The following SIL1 variants were observed in gnomAD, a reference collection of about 807,000 sequenced individuals.
SIL1 encodes nucleotide exchange factor SIL1.
In SIL1, 40 loss-of-function variants were observed where a neutral mutation model predicts 49.1. The observed-to-expected ratio is 0.81, with a 90% CI of 0.63 to 1.06. SIL1 has a LOEUF of 1.06. Among genes scored for constraint, SIL1 ranks in the 50% least tolerant of loss-of-function variants. The probability of loss-of-function intolerance (pLI) is 0.00; values close to 1 mark genes in which losing one functional copy is unlikely to be tolerated. For synonymous variants in SIL1, 253 were observed against 250.8 expected (o/e 1.01, Z -0.08); for missense variants, 500 against 572.6 (o/e 0.87, Z 1.29).
chr5:139,013,708 A>C (rs1487445654), intron 7 of SIL1: 2 of 152,218 alleles, frequency 1.3e-5, no homozygotes, highest in Non-Finnish European at 2.9e-5. Context: ...CAACATCTTC[A>C]GGTATTTGAA....
chr5:139,183,082 GAACT>G (rs1053668748), intron 1 of SIL1, among the ~76,000 whole-genome samples: 49 of 152,180 alleles, frequency 3.2e-4, no homozygotes, highest in African/African-American at 9.2e-4. Context: ...AAACCTGGAT[GAACT>G]AACTAAGTTT....
intron 7 of SIL1, among the ~76,000 whole-genome samples, chr5:139,007,803 G>T (rs1768156991): frequency 2.1e-5 from 3 of 143,612 alleles, no homozygotes; most frequent in Non-Finnish European, 4.5e-5. Context: ...GCATCCCAGG[G>T]ATGAAGCCCA....
chr5:139,168,481 C>T (rs1237452010), intron 1 of SIL1, among the ~76,000 whole-genome samples: 1 of 152,172 alleles, frequency 6.6e-6, no homozygotes, highest in African/African-American at 2.4e-5. Flanking sequence ...TACTGGGGAT[C>T]TGTGCTGATT....
chr5:139,012,701 C>T (rs948131496), intron 7 of SIL1: 1 of 152,134 alleles, frequency 6.6e-6, no homozygotes, highest in East Asian at 1.9e-4. Context: ...AGCATGGGGG[C>T]TCACGCCTGT....
intron 3 of SIL1, among the ~76,000 whole-genome samples, chr5:139,068,676 A>G (rs890015724): frequency 1.2e-5 from 1 of 84,588 alleles, no homozygotes; most frequent in African/African-American, 3.0e-5. Context: ...AAAAAAAAAG[A>G]AGAGAAAGCA....
At chr5:139,056,534 C>T (rs1414172204) in intron 3 of SIL1, among the ~76,000 whole-genome samples, 2 of 150,676 alleles carry the variant, frequency 1.3e-5, no homozygotes, top group Non-Finnish European at 3.0e-5. Flanking sequence ...GCCGCCCCGT[C>T]CGGGAGGGAG....
chr5:139,147,521 T>C lies in SIL1; in HGVS notation c.-10-19668A>G, dbSNP rs79186881. 6.9e-3 allele frequency among the ~76,000 whole-genome samples: 1,052 copies of C among 152,284 alleles called. 9 individuals are homozygous for C. The highest frequency in any genetic ancestry group is 0.024 in the African/African-American group (1,008 of 41,552). ...GGCCTCATCCCAACCCTGATTGGCATAGCAAGAGCCCATCCCATTAACAAT... is the reference window on the plus strand; with the variant it reads ...GGCCTCATCCCAACCCTGATTGGCACAGCAAGAGCCCATCCCATTAACAAT... On this transcript the variant is annotated intron_variant, in intron 1 of 9. Transcript: ENST00000394817.
chr5:139,157,015 C>T (rs1481618900), intron 1 of SIL1, among the ~76,000 whole-genome samples: 1 of 152,222 alleles, frequency 6.6e-6, no homozygotes, highest in Non-Finnish European at 1.5e-5. Flanking sequence ...CCAAGCCAGA[C>T]TTGTCCACTA....
At position 139,121,252 on chromosome 5, in the gene SIL1, C is replaced by T. The variant is rs954905933; in HGVS notation, c.106-79G>A. On this transcript the variant is annotated intron_variant, in intron 2 of 9. Coordinates refer to ENST00000394817, the MANE Select transcript of SIL1 (RefSeq NM_022464.5). ...AGAAAAAAAATGGCCTAGGGTGGCA[C>T]GTTCTTTTCCTCCATGCCCCTCTCC... The T allele has an allele frequency of 3.7e-5, 58 of 1,586,132 alleles. 1 individual carries two copies. The highest frequency in any genetic ancestry group is 5.5e-5 in the South Asian group (5 of 90,446).
At position 139,113,106 on chromosome 5, in the gene SIL1, G is replaced by A. The variant is rs945850822; in HGVS notation, c.244+7929C>T. Among the ~76,000 whole-genome samples the A allele has an allele frequency of 5.3e-5, 8 of 151,670 alleles. 2 individuals carry two copies. Among genetic ancestry groups the A allele is most frequent in the Admixed American group, 5.3e-4 (8 of 15,234 alleles). ...ACAGATGCTTGAAGGCAGCATGCTC[G>A]TTAAGAGTCATCACCACTCCCTAAT... is the stretch of plus-strand genomic sequence containing the variant. On this transcript the variant is annotated intron_variant, in intron 3 of 9. Coordinates refer to ENST00000394817, the MANE Select transcript of SIL1 (RefSeq NM_022464.5).
chr5:139,029,980 T>C (rs1238388118), intron 5 of SIL1, among the ~76,000 whole-genome samples: 2 of 151,442 alleles, frequency 1.3e-5, no homozygotes, highest in African/African-American at 2.4e-5. Flanking sequence ...TCCAAAAAAA[T>C]TGTGACACAG....
intron 1 of SIL1, among the ~76,000 whole-genome samples, chr5:139,133,713 G>A: frequency 6.6e-6 from 1 of 152,190 alleles, no homozygotes; most frequent in African/African-American, 2.4e-5. Flanking sequence ...AGCCTGCCAT[G>A]GAGCCCTTGG....
At chr5:139,160,285 C>T (rs1751486964) in intron 1 of SIL1, among the ~76,000 whole-genome samples, 1 of 151,996 alleles carries the variant, frequency 6.6e-6, no homozygotes, top group South Asian at 2.1e-4. Flanking sequence ...AGAAAACACT[C>T]CTTTGAAGAA....
intron 2 of SIL1, among the ~76,000 whole-genome samples, chr5:139,123,067 GCTA>G (rs527423819): frequency 4.1e-4 from 62 of 152,320 alleles, no homozygotes; most frequent in African/African-American, 1.4e-3. Flanking sequence ...CATGGTGGCT[GCTA>G]CTATTACTTA....
intron 1 of SIL1, among the ~76,000 whole-genome samples, chr5:139,177,867 A>G (rs1483461482): frequency 6.6e-6 from 1 of 152,208 alleles, no homozygotes; most frequent in Non-Finnish European, 1.5e-5. Flanking sequence ...CATCTACATC[A>G]ACCAGAACTG....
chr5:138,973,220 A>C (rs1043343253), intron 7 of SIL1, among the ~76,000 whole-genome samples: 3 of 151,732 alleles, frequency 2.0e-5, no homozygotes, highest in Non-Finnish European at 4.4e-5. Context: ...AAAAAAAAAA[A>C]AAAGGTTGTG....
intron 3 of SIL1, among the ~76,000 whole-genome samples, chr5:139,062,250 T>A (rs185342775): frequency 1.6e-3 from 243 of 152,290 alleles, no homozygotes; most frequent in African/African-American, 5.5e-3. Context: ...ACCTTTTTTT[T>A]AAACAGCAAA....
chr5:138,972,919 G>A (rs1466520367), intron 7 of SIL1, among the ~76,000 whole-genome samples: 1 of 152,174 alleles, frequency 6.6e-6, no homozygotes, highest in Non-Finnish European at 1.5e-5. Context: ...GGACAGAGGG[G>A]CAATAAGAGC....
intron 1 of SIL1, among the ~76,000 whole-genome samples, chr5:139,168,546 G>A (rs1751670368): frequency 6.6e-6 from 1 of 152,228 alleles, no homozygotes; most frequent in South Asian, 2.1e-4. Context: ...AGAGATTGTT[G>A]TTGCTCCTCC....
Sources: allele counts gnomAD v4.1 joint callset (sites outside exome capture counted in the v4.1 genomes callset), GRCh38; gene constraint gnomAD v4.1.1; transcripts MANE v1.5; gene names NCBI Gene and HGNC (gene_info 2026-07-23, HGNC 2026-07-21).